TUSC3: variants seen among roughly 807,000 people sequenced by gnomAD.
The protein encoded by TUSC3 is dolichyl-diphosphooligosaccharide--protein glycosyltransferase subunit TUSC3.
In TUSC3, 45 loss-of-function variants were observed where a neutral mutation model predicts 44.8. That is an observed-to-expected ratio of 1.00 (90% CI 0.79 to 1.29). The LOEUF (loss-of-function observed/expected upper bound fraction) is 1.29, where lower values mean the gene tolerates loss of function less well. Ranked by LOEUF, TUSC3 falls within the 50% of genes most tolerant of loss-of-function variation. The pLI, the probability that TUSC3 is intolerant of heterozygous loss-of-function variation, is 0.00. For missense variants in TUSC3, 519 were observed against 437.9 expected (o/e 1.19, Z -1.65); for synonymous variants, 212 against 152.9 (o/e 1.39, Z -2.85).
the TUSC3 span, chr8:15,806,165 T>C: frequency 7.1e-5 from 34 of 479,486 alleles, no homozygotes; most frequent in Non-Finnish European, 1.3e-4. Flanking sequence ...TAGCATCAGT[T>C]GATGTGGAGT....
intron 1 of TUSC3, among the ~76,000 whole-genome samples, chr8:15,550,499 C>G (rs528269280): frequency 6.6e-6 from 1 of 151,714 alleles, no homozygotes; most frequent in Admixed American, 6.6e-5. Flanking sequence ...TTTCCTCATA[C>G]CAGAGTTTGT....
chr8:15,470,276 G>T lies in TUSC3; in HGVS notation n.92-13110G>T, dbSNP rs73191183. On this transcript the variant is annotated intron_variant and non_coding_transcript_variant, in intron 1 of 5. Transcript: ENST00000503191. The stretch of plus-strand genomic sequence containing the variant: ...CCTGTCTCAAAAAAAAAAAAAAAAA[G>T]CATTGGTTGCCAAGGGTTCAAGGAG... 6.4e-3 allele frequency among the ~76,000 whole-genome samples: 872 copies of T among 135,242 alleles called. 5 individuals carry two copies. The highest frequency in any genetic ancestry group is 8.2e-3 in the Non-Finnish European group (509 of 61,936). 88.7% of individuals were successfully genotyped at this position (135,242 alleles called of 152,430 possible).
At chr8:15,521,206 C>T (rs1200591511) in intron 2 of TUSC3, among the ~76,000 whole-genome samples, 2 of 152,104 alleles carry the variant, frequency 1.3e-5, no homozygotes, top group Admixed American at 6.6e-5. Flanking sequence ...AACTGTTTTC[C>T]TTGGTATGTT....
chr8:15,706,933 A>C (rs889579114), intron 6 of TUSC3, among the ~76,000 whole-genome samples: 7 of 152,076 alleles, frequency 4.6e-5, no homozygotes, highest in Admixed American at 3.9e-4. Context: ...AGAGCAACAT[A>C]AAAAACTGAT....
At chr8:15,452,115 G>A (rs574403189) in intron 1 of TUSC3, among the ~76,000 whole-genome samples, 8 of 152,262 alleles carry the variant, frequency 5.3e-5, no homozygotes, top group South Asian at 2.1e-4. Flanking sequence ...AATGGTAATA[G>A]TGTTTTACAT....
the TUSC3 span, among the ~76,000 whole-genome samples, chr8:15,843,621 T>TATATATAC: frequency 6.8e-6 from 1 of 146,726 alleles, no homozygotes; most frequent in African/African-American, 2.6e-5. Flanking sequence ...TATATATATA[T>TATATATAC]ACACGCACAT....
At chr8:15,487,834 A>C (rs1015055759) in intron 2 of TUSC3, among the ~76,000 whole-genome samples, 1 of 152,128 alleles carries the variant, frequency 6.6e-6, no homozygotes, top group African/African-American at 2.4e-5. Flanking sequence ...TTCAAAAGCA[A>C]ACTATATCTA....
At chr8:15,851,149 G>T in the TUSC3 span, among the ~76,000 whole-genome samples, 1 of 152,144 alleles carries the variant, frequency 6.6e-6, no homozygotes, top group Non-Finnish European at 1.5e-5. Flanking sequence ...TCATCCTCTG[G>T]CCTTCAAAAT....
At chr8:15,564,837 G>T (rs1477597552) in intron 1 of TUSC3, among the ~76,000 whole-genome samples, 2 of 152,174 alleles carry the variant, frequency 1.3e-5, no homozygotes, top group East Asian at 1.9e-4. Context: ...CATCTTGTTT[G>T]CATCACAAGC....
intron 2 of TUSC3, among the ~76,000 whole-genome samples, chr8:15,489,649 T>G (rs2129125646): frequency 6.6e-6 from 1 of 152,304 alleles, no homozygotes; most frequent in South Asian, 2.1e-4. Context: ...ACATTGGAAT[T>G]TGGTATCTCA....
chr8:15,768,246 A>G (rs748682144), downstream of TUSC3, among the ~76,000 whole-genome samples: 1 of 152,164 alleles, frequency 6.6e-6, no homozygotes, highest in Non-Finnish European at 1.5e-5. Context: ...ATACACAGAC[A>G]ACATGTGACA....
At chr8:15,521,709 T>C (rs375163746) in intron 2 of TUSC3, among the ~76,000 whole-genome samples, 69 of 152,224 alleles carry the variant, frequency 4.5e-4, no homozygotes, top group African/African-American at 1.6e-3. Context: ...GGCCACTGGT[T>C]ACACAAGCTT....
At chr8:15,688,999 A>G (rs958357264) in intron 6 of TUSC3, 5 of 254,860 alleles carry the variant, frequency 2.0e-5, no homozygotes, top group African/African-American at 7.0e-5. Context: ...TTGGGGTTAC[A>G]GTCAAACAAC....
the TUSC3 span, among the ~76,000 whole-genome samples, chr8:15,780,128 A>G: frequency 6.6e-6 from 1 of 152,220 alleles, no homozygotes; most frequent in African/African-American, 2.4e-5. Flanking sequence ...TCACTCACAC[A>G]GATGCACCAA....
intron 6 of TUSC3, among the ~76,000 whole-genome samples, chr8:15,698,973 A>G (rs991702855): frequency 6.6e-6 from 1 of 151,660 alleles, no homozygotes; most frequent in African/African-American, 2.4e-5. Context: ...CAGCCTCCTT[A>G]GTAGCTGGGA....
chr8:15,669,571 A>C (rs1226293743), intron 5 of TUSC3, among the ~76,000 whole-genome samples: 8 of 151,908 alleles, frequency 5.3e-5, no homozygotes, highest in Non-Finnish European at 7.4e-5. Context: ...ATGGTTTACC[A>C]TGTGAAAATT....
the TUSC3 span, among the ~76,000 whole-genome samples, chr8:15,820,848 A>C: frequency 6.6e-6 from 1 of 152,196 alleles, no homozygotes; most frequent in Non-Finnish European, 1.5e-5. Context: ...TAAAATATGT[A>C]TGCCTCTTTA....
At chr8:15,456,145 T>A (rs185799001) in intron 1 of TUSC3, among the ~76,000 whole-genome samples, 4 of 152,152 alleles carry the variant, frequency 2.6e-5, no homozygotes, top group African/African-American at 9.7e-5. Flanking sequence ...ACTCCTTTCC[T>A]CACACTAGCT....
At chr8:15,710,986 A>C (rs913323202) in intron 6 of TUSC3, among the ~76,000 whole-genome samples, 1 of 151,388 alleles carries the variant, frequency 6.6e-6, no homozygotes, top group African/African-American at 2.4e-5. Context: ...TCTGCCACCC[A>C]AGTCACCCCT....
Sources: gnomAD v4.1 joint callset for allele counts (sites outside exome capture counted in the v4.1 genomes callset) on GRCh38, gnomAD v4.1.1 for gene constraint, MANE v1.5 for transcripts, NCBI Gene and HGNC (gene_info 2026-07-23, HGNC 2026-07-21) for gene names.